TRPM3: variants seen among roughly 807,000 people sequenced by gnomAD.
TRPM3 encodes transient receptor potential cation channel subfamily M member 3.
TRPM3 carries 77 observed loss-of-function variants against 181.2 expected under a neutral mutation model. The ratio of observed to expected loss-of-function variants is 0.42; its 90% CI spans 0.35 to 0.51. The LOEUF is 0.51. TRPM3 is among the 20% of genes least tolerant of loss of function. The pLI is 0.01. For synonymous variants in TRPM3, 745 were observed against 796.4 expected (o/e 0.94, Z 1.09); for missense variants, 1,759 against 2,196.7 (o/e 0.80, Z 3.98).
chr9:71,113,019 C>A (rs145496775), intron 1 of TRPM3, among the ~76,000 whole-genome samples: 2 of 152,274 alleles, frequency 1.3e-5, no homozygotes, highest in East Asian at 3.9e-4. Context: ...TAGGCAGAGG[C>A]CAGATCACCT....
Position 70,536,994 on chromosome 9 carries a change from G to C in TRPM3, c.4119C>G (p.Ser1373=). The change falls in exon 26 of 26, where the codon TCC becomes TCG. Residue 1373 remains serine, a synonymous_variant. Coordinates refer to ENST00000677713, the MANE Select transcript of TRPM3 (RefSeq NM_001366145.2). Reference sequence around the variant, plus strand: ...AACTAGTAGCCCGGTGTAGGCTCAGGGACCTTTCTTTAAAAATACTTTCCA... The same window carrying C: ...AACTAGTAGCCCGGTGTAGGCTCAGCGACCTTTCTTTAAAAATACTTTCCA... ...EKLESIFKER[S]LSLHRATSSH... 6.2e-7 allele frequency: 1 copy of C among 1,610,618 alleles called. No homozygotes were observed. The highest frequency in any genetic ancestry group is 8.5e-7 in the Non-Finnish European group (1 of 1,177,126).
At chr9:71,052,858 A>G (rs1249201711) in intron 1 of TRPM3, among the ~76,000 whole-genome samples, 1 of 152,080 alleles carries the variant, frequency 6.6e-6, no homozygotes, top group Non-Finnish European at 1.5e-5. Flanking sequence ...CTGAAAGTCA[A>G]AGAACAGGAG....
chr9:71,054,256 C>T (rs551021249), intron 1 of TRPM3, among the ~76,000 whole-genome samples: 2 of 152,202 alleles, frequency 1.3e-5, no homozygotes, highest in South Asian at 4.1e-4. Flanking sequence ...TCCAAGAAGG[C>T]TGATTTTGTG....
chr9:71,063,520 G>A (rs1047261595), intron 1 of TRPM3, among the ~76,000 whole-genome samples: 2 of 152,114 alleles, frequency 1.3e-5, no homozygotes, highest in African/African-American at 4.8e-5. Flanking sequence ...AAGGGAGAAT[G>A]CCCTGTGGAC....
At chr9:71,107,494 T>A (rs1234986797) in intron 1 of TRPM3, among the ~76,000 whole-genome samples, 1 of 152,198 alleles carries the variant, frequency 6.6e-6, no homozygotes, top group Non-Finnish European at 1.5e-5. Context: ...CTTTGTCTCC[T>A]CAATTCCAAT....
chr9:71,226,396 T>C (rs1246590175), intron 1 of TRPM3, among the ~76,000 whole-genome samples: 1 of 151,650 alleles, frequency 6.6e-6, no homozygotes, highest in Non-Finnish European at 1.5e-5. Context: ...AGTGGCTGAA[T>C]GGATTAAAAA....
chr9:70,929,732 G>C (rs1589852315), intron 1 of TRPM3, among the ~76,000 whole-genome samples: 1 of 152,246 alleles, frequency 6.6e-6, no homozygotes, highest in Non-Finnish European at 1.5e-5. Flanking sequence ...TCTTAACCAG[G>C]ACTGTGATCT....
chr9:70,900,493 G>T (rs1036975073), intron 1 of TRPM3, among the ~76,000 whole-genome samples: 1 of 152,164 alleles, frequency 6.6e-6, no homozygotes, highest in African/African-American at 2.4e-5. Flanking sequence ...TATAGGAATA[G>T]ATTAAAATTT....
At chr9:70,819,968 G>GA (rs756475747) in intron 6 of TRPM3, among the ~76,000 whole-genome samples, 10 of 152,004 alleles carry the variant, frequency 6.6e-5, no homozygotes, top group South Asian at 2.1e-4. Context: ...TAAATCACAA[G>GA]AAAAAATCTG....
chr9:70,691,221 C>T (rs2068442854), intron 8 of TRPM3, among the ~76,000 whole-genome samples: 2 of 151,928 alleles, frequency 1.3e-5, no homozygotes, highest in South Asian at 4.2e-4. Flanking sequence ...AGTTTTAGGT[C>T]GAAGTGGGTG....
chr9:71,044,278 A>C (rs569773), intron 1 of TRPM3, among the ~76,000 whole-genome samples: 35,429 of 152,022 alleles, frequency 0.23, 4,916 homozygotes, highest in East Asian at 0.41. Context: ...AAACATCAAA[A>C]CCCAAACACC....
intron 22 of TRPM3, among the ~76,000 whole-genome samples, chr9:70,565,434 C>G (rs2050303330): frequency 6.6e-6 from 1 of 152,110 alleles, no homozygotes; most frequent in African/African-American, 2.4e-5. Flanking sequence ...GCTGGGATTA[C>G]AGGCACAAGC....
At chr9:71,354,014 G>C (rs934275871) in intron 1 of TRPM3, among the ~76,000 whole-genome samples, 4 of 152,232 alleles carry the variant, frequency 2.6e-5, no homozygotes, top group Non-Finnish European at 5.9e-5. Flanking sequence ...CTCATCTCAA[G>C]CACTGCAGAC....
At chr9:70,955,140 G>T (rs2097053575) in intron 1 of TRPM3, among the ~76,000 whole-genome samples, 1 of 151,812 alleles carries the variant, frequency 6.6e-6, no homozygotes, top group Non-Finnish European at 1.5e-5. Context: ...GCCTCTAATT[G>T]TCTGTATTAC....
intron 6 of TRPM3, among the ~76,000 whole-genome samples, chr9:70,792,225 G>T (rs1175295115): frequency 6.6e-6 from 1 of 152,076 alleles, no homozygotes; most frequent in Admixed American, 6.6e-5. Context: ...GATTGAAGTG[G>T]AGATCCTGAG....
At chr9:71,250,697 A>G (rs937569022) in intron 1 of TRPM3, among the ~76,000 whole-genome samples, 1 of 152,218 alleles carries the variant, frequency 6.6e-6, no homozygotes, top group African/African-American at 2.4e-5. Flanking sequence ...TTTGATGTGA[A>G]ACATGAGAAA....
intron 25 of TRPM3, among the ~76,000 whole-genome samples, chr9:70,547,851 G>A (rs2045427655): frequency 6.6e-6 from 1 of 152,190 alleles, no homozygotes; most frequent in Non-Finnish European, 1.5e-5. Flanking sequence ...TATTCTTAAA[G>A]GGTTTGCAGG....
Position 70,626,832 on chromosome 9 carries a change from T to C in TRPM3, c.1633-1315A>G, listed in dbSNP as rs1275123675. On this transcript the variant is annotated intron_variant, in intron 12 of 25. Transcript: ENST00000677713. ...CTTACTCAGCTTTTCTATGGGCAAC[T>C]GTATCCATTTGAAGGTTTTGGGATT... is the stretch of plus-strand genomic sequence containing the variant. Among the ~76,000 whole-genome samples, 2 of 152,216 alleles carry C rather than the reference T, an allele frequency of 1.3e-5. 1 individual carries two copies. The highest frequency in any genetic ancestry group is 3.8e-4 in the East Asian group (2 of 5,200).
At chr9:71,227,912 GAACT>G (rs1465759721) in intron 1 of TRPM3, among the ~76,000 whole-genome samples, 2 of 152,064 alleles carry the variant, frequency 1.3e-5, no homozygotes, top group Non-Finnish European at 2.9e-5. Flanking sequence ...AACATTTAGA[GAACT>G]AATAGAAACT....
Sources: allele counts gnomAD v4.1 joint callset (sites outside exome capture counted in the v4.1 genomes callset), GRCh38; gene constraint gnomAD v4.1.1; transcripts MANE v1.5; gene names NCBI Gene and HGNC (gene_info 2026-07-23, HGNC 2026-07-21).